The following RALGAPA2 variants were observed in gnomAD, a reference collection of about 807,000 sequenced individuals.
RALGAPA2 encodes the protein ral GTPase-activating protein subunit alpha-2.
Under a neutral mutation model 230.4 loss-of-function variants are expected in RALGAPA2, and 139 were observed. The observed-to-expected ratio is 0.60, with a 90% CI of 0.53 to 0.69. The LOEUF (loss-of-function observed/expected upper bound fraction) is 0.69, where lower values mean the gene tolerates loss of function less well. RALGAPA2 is among the 30% of genes least tolerant of loss of function. The pLI is 0.00. For missense variants in RALGAPA2, 2,163 were observed against 2,276.0 expected (o/e 0.95, Z 1.01); for synonymous variants, 847 against 837.8 (o/e 1.01, Z -0.19).
chr20:20,606,396 C>T (rs2065822254), intron 14 of RALGAPA2, among the ~76,000 whole-genome samples: 1 of 152,180 alleles, frequency 6.6e-6, no homozygotes, highest in Non-Finnish European at 1.5e-5. Flanking sequence ...TACCTAGGTA[C>T]TAGACAGTGC....
intron 3 of RALGAPA2, among the ~76,000 whole-genome samples, chr20:20,656,804 T>C (rs2146638017): frequency 6.6e-6 from 1 of 151,648 alleles, no homozygotes; most frequent in South Asian, 2.1e-4. Context: ...CAGGAAAAAA[T>C]CACAAGCAAA....
chr20:20,410,724 C>T (rs2060042371), intron 38 of RALGAPA2, among the ~76,000 whole-genome samples: 1 of 152,176 alleles, frequency 6.6e-6, no homozygotes, highest in South Asian at 2.1e-4. Flanking sequence ...ATGTAAGAAA[C>T]ATTAATCAAA....
chr20:20,660,575 T>G (rs1215641751), intron 3 of RALGAPA2, among the ~76,000 whole-genome samples: 1 of 152,092 alleles, frequency 6.6e-6, no homozygotes, highest in South Asian at 2.1e-4. Context: ...AAGCTCAAAG[T>G]GCCATGGAGA....
At position 20,643,538 on chromosome 20, in the gene RALGAPA2, T is replaced by C; in HGVS notation, c.340A>G (p.Lys114Glu). The C allele has an allele frequency of 6.8e-7, 1 of 1,472,204 alleles. No individual in the cohort carries two copies. 91.2% of individuals were successfully genotyped at this position (1,472,204 alleles called of 1,614,324 possible). The change falls in exon 5 of 40, where the codon AAG (lysine) becomes GAG (glutamate). Residue 114 changes from lysine to glutamate, a missense_variant. Coordinates refer to ENST00000202677, the MANE Select transcript of RALGAPA2 (RefSeq NM_020343.4). ...WHYQSIGSTL[K>E]KLLHTGNSIK... The stretch of plus-strand genomic sequence containing the variant: ...GAATTTCCAGTGTGTAGAAGCTTCT[T>C]TAAAGTTGAGCCTGAAAGTTTAAAA...
At position 20,419,027 on chromosome 20, in the gene RALGAPA2, A is replaced by C. The variant is rs1288004728; in HGVS notation, c.5496-6879T>G. The stretch of plus-strand genomic sequence containing the variant: ...AGTGCTGGGATTACAGGCCTAAGCC[A>C]CCTTACCTGGCCTATATATATTTTA... On this transcript the variant is annotated intron_variant, in intron 37 of 39. Coordinates refer to ENST00000202677, the MANE Select transcript of RALGAPA2 (RefSeq NM_020343.4). Among the ~76,000 whole-genome samples, 14 of 152,306 alleles carry C rather than the reference A, an allele frequency of 9.2e-5. No individual in the cohort carries two copies. The South Asian group carries it at 2.9e-3, about 32-fold the overall frequency.
intron 16 of RALGAPA2, among the ~76,000 whole-genome samples, chr20:20,600,976 T>TGTA (rs1365377311): frequency 2.6e-5 from 4 of 152,098 alleles, no homozygotes; most frequent in African/African-American, 9.7e-5. Flanking sequence ...GGCACGCGCC[T>TGTA]GTAATCTCAG....
At chr20:20,514,599 T>C (rs114679799) in intron 31 of RALGAPA2, among the ~76,000 whole-genome samples, 2 of 152,252 alleles carry the variant, frequency 1.3e-5, no homozygotes, top group African/African-American at 4.8e-5. Context: ...TTCCACTCCA[T>C]GCCCCAGCAG....
intron 37 of RALGAPA2, among the ~76,000 whole-genome samples, chr20:20,469,938 CA>C (rs2061501774): frequency 1.3e-5 from 2 of 152,270 alleles, no homozygotes; most frequent in South Asian, 4.2e-4. Flanking sequence ...CTCCACTTGA[CA>C]AATTTGATTT....
chr20:20,602,013 T>C (rs1014798930), intron 15 of RALGAPA2, among the ~76,000 whole-genome samples, 167 bp from the exon 16 acceptor site: 2 of 152,270 alleles, frequency 1.3e-5, no homozygotes, highest in African/African-American at 4.8e-5. Flanking sequence ...GTTGCTCATA[T>C]GTCACTAATT....
intron 34 of RALGAPA2, 112 bp from the exon 35 acceptor site, chr20:20,503,618 C>T: frequency 1.2e-6 from 1 of 855,424 alleles, no homozygotes. Flanking sequence ...TTATATCTTT[C>T]TTTCTGATTA....
At chr20:20,654,368 T>C (rs755672089) in intron 3 of RALGAPA2, among the ~76,000 whole-genome samples, 14 of 152,188 alleles carry the variant, frequency 9.2e-5, no homozygotes, top group Non-Finnish European at 1.9e-4. Flanking sequence ...TTTGTATTTT[T>C]AATAGAGATG....
intron 14 of RALGAPA2, among the ~76,000 whole-genome samples, chr20:20,605,748 G>A (rs1379882817): frequency 6.6e-6 from 1 of 152,056 alleles, no homozygotes; most frequent in Non-Finnish European, 1.5e-5. Flanking sequence ...ATCCACAGTG[G>A]CTACTTCAAA....
At chr20:20,511,156 AT>A in intron 33 of RALGAPA2, 97 bp downstream of exon 33, 1 of 1,508,462 alleles carries the variant, frequency 6.6e-7, no homozygotes, top group Non-Finnish European at 8.8e-7. Context: ...CTACCCTTGG[AT>A]GTCTCAGTAA....
At chr20:20,594,797 T>C (rs1055325786) in intron 16 of RALGAPA2, among the ~76,000 whole-genome samples, 1 of 151,346 alleles carries the variant, frequency 6.6e-6, no homozygotes, top group Non-Finnish European at 1.5e-5. Context: ...GGCGTGATCT[T>C]GACTCACTGC....
rs1478209225 is a variant in RALGAPA2 at position 20,712,504 on chromosome 20, C to G, written c.-24G>C. 82 of 1,539,550 alleles carry G rather than the reference C, an allele frequency of 5.3e-5. No homozygotes were observed. Among genetic ancestry groups the G allele is most frequent in the Non-Finnish European group, 6.9e-5 (79 of 1,142,026 alleles). ...ATCCCGCGGCAGGAAGCCCGGGCCC[C>G]GCCGGCGGGGCAGTAGGCGCCTGCG... On this transcript the variant is annotated 5_prime_UTR_variant, in exon 1 of 40. Coordinates refer to ENST00000202677, the MANE Select transcript of RALGAPA2 (RefSeq NM_020343.4). The surrounding 1 kb of genome is among the most constrained non-coding windows in gnomAD (Gnocchi z 5.5).
chr20:20,587,987 T>C (rs1016425812), intron 18 of RALGAPA2, among the ~76,000 whole-genome samples: 1 of 152,162 alleles, frequency 6.6e-6, no homozygotes, highest in African/African-American at 2.4e-5. Context: ...ATAGAAAGTG[T>C]TGGCAAGAAT....
intron 23 of RALGAPA2, among the ~76,000 whole-genome samples, chr20:20,557,736 GTAACAAAGGTATT>G (rs1391199561): frequency 2.6e-5 from 4 of 152,136 alleles, no homozygotes; most frequent in Non-Finnish European, 5.9e-5. Flanking sequence ...CTGAATTTGG[GTAACAAAGGTATT>G]TAACTTACTC....
chr20:20,481,128 A>T (rs1169996815), intron 36 of RALGAPA2, among the ~76,000 whole-genome samples: 6 of 152,226 alleles, frequency 3.9e-5, no homozygotes, highest in African/African-American at 1.4e-4. Flanking sequence ...TGTGAAAGCA[A>T]AGAGAGCCTT....
chr20:20,592,923 A>G lies in RALGAPA2; in HGVS notation c.2204-1609T>C, dbSNP rs1463010092. Among the ~76,000 whole-genome samples the G allele has an allele frequency of 2.6e-5, 4 of 152,202 alleles. No homozygotes were observed. In the East Asian group the frequency reaches 7.7e-4, roughly 29 times the overall value. On this transcript the variant is annotated intron_variant, in intron 16 of 39. Transcript: ENST00000202677. ...AATTTGTGTGATCCTTCACTTACAAAAATTTATCAATTTACTTTTTTTTTT... is the reference window on the plus strand; with the variant it reads ...AATTTGTGTGATCCTTCACTTACAAGAATTTATCAATTTACTTTTTTTTTT...
Sources: gnomAD v4.1 joint callset for allele counts (sites outside exome capture counted in the v4.1 genomes callset) on GRCh38, gnomAD v4.1.1 for gene constraint, Gnocchi (gnomAD v3.1) non-coding constraint, MANE v1.5 for transcripts, NCBI Gene and HGNC (gene_info 2026-07-23, HGNC 2026-07-21) for gene names.